The following PIPOX variants were observed in gnomAD, a reference collection of about 807,000 sequenced individuals.
PIPOX encodes the protein peroxisomal sarcosine oxidase.
PIPOX carries 45 observed loss-of-function variants against 47.9 expected under a neutral mutation model. The observed-to-expected ratio is 0.94, with a 90% CI of 0.74 to 1.20. The LOEUF is 1.20. PIPOX is among the 50% of genes most tolerant of loss of function. The pLI is 0.00. For synonymous variants in PIPOX, 165 were observed against 191.3 expected, an observed-to-expected ratio of 0.86 and a Z score of 1.13; for missense variants, 458 against 498.4, an observed-to-expected ratio of 0.92 and a Z score of 0.77.
intron 2 of PIPOX, among the ~76,000 whole-genome samples, chr17:29,051,193 A>G (rs2065804781): frequency 1.3e-5 from 2 of 152,200 alleles, no homozygotes; most frequent in Admixed American, 6.5e-5. Context: ...TGGGGGCCAC[A>G]GAAAAAAGAC....
intron 1 of PIPOX, among the ~76,000 whole-genome samples, chr17:29,044,639 T>G (rs1301182978): frequency 6.6e-6 from 1 of 152,164 alleles, no homozygotes; most frequent in Non-Finnish European, 1.5e-5. Context: ...CTGATAGTTT[T>G]TAAATTTTTG....
At chr17:29,056,021 G>A in intron 7 of PIPOX, 133 bp downstream of exon 7, 1 of 1,259,338 alleles carries the variant, frequency 7.9e-7, no homozygotes, top group Non-Finnish European at 1.2e-6. Flanking sequence ...AGGAGGCTGG[G>A]CAGTCAGAAA....
chr17:29,047,382 A>C (rs2065789608), intron 2 of PIPOX, among the ~76,000 whole-genome samples: 1 of 152,194 alleles, frequency 6.6e-6, no homozygotes, highest in Non-Finnish European at 1.5e-5. Context: ...TCTCCTCACA[A>C]TCTTATGAGA....
In PIPOX at chr17:29,053,448, C is replaced by T. The variant is rs753099187; in HGVS notation, c.513C>T (p.Asp171=). Residue 171 remains aspartate (D), a synonymous_variant, in exon 4 of 8, where the codon GAC becomes GAT. Transcript: ENST00000323372. ...AIRQLGGIVR[D]GEKVVEINPG... ...GACAGCTAGGAGGCATAGTGCGTGA[C>T]GGAGAGAAGGTGGTGGAGATAAACC... is the stretch of plus-strand genomic sequence containing the variant. The T allele has an allele frequency of 9.2e-5, 148 of 1,613,852 alleles. No homozygotes were observed. Among genetic ancestry groups the T allele is most frequent in the Middle Eastern group, 3.3e-4 (2 of 6,082 alleles).
intron 2 of PIPOX, among the ~76,000 whole-genome samples, 170 bp downstream of exon 2, chr17:29,045,177 G>A (rs555424361): frequency 1.3e-5 from 2 of 152,326 alleles, no homozygotes; most frequent in South Asian, 2.1e-4. Flanking sequence ...TCACCCCACA[G>A]GTCCAGCTGA....
Position 29,043,263 on chromosome 17 carries a change from T to C in PIPOX, c.38T>C (p.Ile13Thr), listed in dbSNP as rs1598234729. The change falls in exon 1 of 8, where the codon ATT becomes ACT. Residue 13 changes from isoleucine (I) to threonine (T), a missense_variant. Transcript: ENST00000323372. ...AAAGATCTCTGGGACGCCATTGTGA[T>C]TGGGGCGGGGATCCAGGGCTGCTTC... ...AQKDLWDAIV[I>T]GAGIQGCFTA... is the part of the protein sequence containing the mutation. 1 of 1,613,574 alleles carries C rather than the reference T, an allele frequency of 6.2e-7. No individual in the cohort carries two copies. The highest frequency in any genetic ancestry group is 1.1e-5 in the South Asian group (1 of 91,030).
At position 29,055,188 on chromosome 17, in the gene PIPOX, C is replaced by G. The variant is rs771035929; in HGVS notation, c.933C>G (p.Pro311=). ...GAGATCACTTACCTGATCTGAAGCCCGAGCCTGCTGTCATTGAGAGCTGCA... is the reference window on the plus strand; with the variant it reads ...GAGATCACTTACCTGATCTGAAGCCGGAGCCTGCTGTCATTGAGAGCTGCA... The part of the protein sequence containing the change: ...FVRDHLPDLK[P]EPAVIESCMY... The change falls in exon 6 of 8, where the codon CCC becomes CCG. Residue 311 remains proline, a synonymous_variant. Transcript: ENST00000323372. 1 of 1,614,122 alleles carries G rather than the reference C, an allele frequency of 6.2e-7. No homozygotes were observed. The highest frequency in any genetic ancestry group is 8.5e-7 in the Non-Finnish European group (1 of 1,180,024).
chr17:29,053,800 G>T, intron 4 of PIPOX: 1 of 463,104 alleles, frequency 2.2e-6, no homozygotes, highest in Non-Finnish European at 3.8e-6. Flanking sequence ...TTATTAGGCT[G>T]GTGCAAAAGT....
chr17:29,053,166 G>C, intron 3 of PIPOX, 33 bp downstream of exon 3: 5 of 1,580,560 alleles, frequency 3.2e-6, no homozygotes, highest in Non-Finnish European at 4.3e-6. Context: ...CGATGCAGGT[G>C]CTCCCTGCTC....
intron 6 of PIPOX, 81 bp from the exon 7 acceptor site, chr17:29,055,732 C>T (rs1394078760): frequency 1.7e-6 from 2 of 1,168,276 alleles, no homozygotes; most frequent in African/African-American, 1.5e-5. Context: ...AAATCCAGCC[C>T]ATCCCCTTCC....
Position 29,044,865 on chromosome 17 carries a change from C to A in PIPOX, c.121C>A (p.Leu41Ile), listed in dbSNP as rs897130542. 3 of 1,611,392 alleles carry A rather than the reference C, an allele frequency of 1.9e-6. No homozygotes were observed. Among genetic ancestry groups the A allele is most frequent in the Non-Finnish European group, 1.7e-6 (2 of 1,178,824 alleles). ...TCTTGTTTTCCACTTCCAGTTCTTT[C>A]TACCACACTCCCGAGGAAGCTCCCA... is the stretch of plus-strand genomic sequence containing the variant. Reference protein sequence around the residue: ...KRILLLEQFFLPHSRGSSHGQ... With the variant: ...KRILLLEQFFIPHSRGSSHGQ... The change falls in exon 2 of 8, where the codon CTA (leucine) becomes ATA (isoleucine). Residue 41 changes from leucine to isoleucine, a missense_variant. Coordinates refer to ENST00000323372, the MANE Select transcript of PIPOX (RefSeq NM_016518.3).
chr17:29,051,792 A>C (rs2065807443), intron 2 of PIPOX, among the ~76,000 whole-genome samples: 1 of 152,064 alleles, frequency 6.6e-6, no homozygotes, highest in African/African-American at 2.4e-5. Flanking sequence ...ACACCACTGG[A>C]ATTTGGGGTG....
chr17:29,048,676 G>A (rs1024722755), intron 2 of PIPOX, among the ~76,000 whole-genome samples: 15 of 152,250 alleles, frequency 9.9e-5, no homozygotes, highest in African/African-American at 3.6e-4. Context: ...GCCGTAGGCA[G>A]TACAGCTGCT....
intron 6 of PIPOX, 110 bp from the exon 7 acceptor site, chr17:29,055,703 T>C: frequency 1.1e-6 from 1 of 935,630 alleles, no homozygotes; most frequent in Non-Finnish European, 1.7e-6. Flanking sequence ...TTGTGCCTCA[T>C]TCCATCCTTT....
intron 2 of PIPOX, among the ~76,000 whole-genome samples, chr17:29,047,411 C>T (rs1244930229): frequency 6.6e-6 from 1 of 152,214 alleles, no homozygotes. Context: ...GCCGGGTAGT[C>T]AGGGTCTTAT....
chr17:29,055,549 G>A (rs576497314), intron 6 of PIPOX, among the ~76,000 whole-genome samples: 4 of 152,174 alleles, frequency 2.6e-5, no homozygotes, highest in Non-Finnish European at 4.4e-5. Flanking sequence ...ATGTCACCAC[G>A]GCCTAAGGCA....
intron 4 of PIPOX, 96 bp downstream of exon 4, chr17:29,053,691 G>A: frequency 1.1e-6 from 1 of 886,666 alleles, no homozygotes; most frequent in Non-Finnish European, 1.7e-6. Context: ...CTTGCTAGTG[G>A]ACAACCTTGG....
In PIPOX at chr17:29,045,833, G is replaced by C. The variant is rs75972234; in HGVS notation, c.263+826G>C. 3.1e-3 allele frequency among the ~76,000 whole-genome samples: 470 copies of C among 152,224 alleles called. 3 individuals are homozygous for C. The highest frequency in any genetic ancestry group is 0.011 in the African/African-American group (452 of 41,528). ...TTTCCTGTAGGAACAAAATGGGGAC[G>C]TTCCCCAGGCTGGATTGCTTGCCAG... On this transcript the variant is annotated intron_variant, in intron 2 of 7. Coordinates refer to ENST00000323372, the MANE Select transcript of PIPOX (RefSeq NM_016518.3).
chr17:29,051,077 C>T (rs1196831707), intron 2 of PIPOX, among the ~76,000 whole-genome samples: 1 of 151,170 alleles, frequency 6.6e-6, no homozygotes, highest in Non-Finnish European at 1.5e-5. Context: ...CCTGAGATCG[C>T]ACCACTGCAC....
Sources: gnomAD v4.1 joint callset for allele counts (sites outside exome capture counted in the v4.1 genomes callset) on GRCh38, gnomAD v4.1.1 for gene constraint, MANE v1.5 for transcripts, NCBI Gene and HGNC (gene_info 2026-07-23, HGNC 2026-07-21) for gene names.